Variants in DOK5 observed in about 807,000 individuals in gnomAD.
The protein encoded by DOK5 is docking protein 5.
Under a neutral mutation model 43.3 loss-of-function variants are expected in DOK5, and 27 were observed. The ratio of observed to expected loss-of-function variants is 0.62; its 90% CI spans 0.46 to 0.86. The LOEUF (loss-of-function observed/expected upper bound fraction) is 0.86. Ranked by LOEUF, DOK5 falls within the 40% of genes least tolerant of loss-of-function variation. The pLI, the probability that DOK5 is intolerant of heterozygous loss-of-function variation, is 0.00. For missense variants in DOK5, 373 were observed against 392.9 expected (o/e 0.95, Z 0.43); for synonymous variants, 146 against 140.1 (o/e 1.04, Z -0.30).
At chr20:54,511,991 C>T (rs1983031013) in intron 1 of DOK5, among the ~76,000 whole-genome samples, 1 of 152,162 alleles carries the variant, frequency 6.6e-6, no homozygotes, top group Non-Finnish European at 1.5e-5. Context: ...TCAGGCCATT[C>T]AGTTTGCTCT....
intron 7 of DOK5, among the ~76,000 whole-genome samples, chr20:54,644,699 C>G (rs1443376387): frequency 9.3e-6 from 1 of 107,384 alleles, no homozygotes. Context: ...GAGAGAGACT[C>G]CGTCTCAAAA....
At chr20:54,616,519 T>C (rs1986812213) in intron 6 of DOK5, among the ~76,000 whole-genome samples, 1 of 152,250 alleles carries the variant, frequency 6.6e-6, no homozygotes, top group South Asian at 2.1e-4. Flanking sequence ...CTCTGGGACC[T>C]TGCTACTGAT....
At chr20:54,606,853 G>A (rs1341423035) in intron 5 of DOK5, among the ~76,000 whole-genome samples, 1 of 152,138 alleles carries the variant, frequency 6.6e-6, no homozygotes, top group African/African-American at 2.4e-5. Context: ...TGAGCAATAG[G>A]AGCAAAAGTC....
At chr20:54,633,072 A>AAAAAC (rs529510578) in intron 6 of DOK5, among the ~76,000 whole-genome samples, 2 of 147,474 alleles carry the variant, frequency 1.4e-5, no homozygotes, top group Admixed American at 6.6e-5. Context: ...ACTCCATCTC[A>AAAAAC]AAAACAAAAC....
chr20:54,477,401 G>A (rs1349874786), intron 1 of DOK5, among the ~76,000 whole-genome samples: 1 of 152,096 alleles, frequency 6.6e-6, no homozygotes, highest in Non-Finnish European at 1.5e-5. Context: ...TATGTCCTGT[G>A]TTATTGTGAA....
At chr20:54,623,875 G>A (rs761159665) in intron 6 of DOK5, among the ~76,000 whole-genome samples, 55 of 152,150 alleles carry the variant, frequency 3.6e-4, no homozygotes, top group African/African-American at 1.1e-3. Context: ...CACTGCACCC[G>A]GCCAGTGATT....
intron 6 of DOK5, among the ~76,000 whole-genome samples, chr20:54,624,413 C>G (rs1474049161): frequency 6.6e-6 from 1 of 152,188 alleles, no homozygotes; most frequent in Non-Finnish European, 1.5e-5. Flanking sequence ...AAGGCAGGGA[C>G]AAGGCCCCAT....
At chr20:54,634,410 G>A (rs116276240) in intron 6 of DOK5, among the ~76,000 whole-genome samples, 4,567 of 145,832 alleles carry the variant, frequency 0.031, 145 homozygotes, top group African/African-American at 0.076. Context: ...ACCAGAAGTA[G>A]CCACTCAACT....
chr20:54,606,840 CT>C (rs149002243), intron 5 of DOK5, among the ~76,000 whole-genome samples: 100 of 152,310 alleles, frequency 6.6e-4, no homozygotes, highest in African/African-American at 2.4e-3. Flanking sequence ...GGACACATGG[CT>C]TTGAGCAATA....
At chr20:54,619,896 C>A (rs1986928550) in intron 6 of DOK5, among the ~76,000 whole-genome samples, 1 of 152,166 alleles carries the variant, frequency 6.6e-6, no homozygotes, top group Admixed American at 6.5e-5. Flanking sequence ...ACTATTCAGA[C>A]ACTAAAGTAG....
At chr20:54,560,493 C>G (rs1029614733) in intron 2 of DOK5, among the ~76,000 whole-genome samples, 1 of 152,128 alleles carries the variant, frequency 6.6e-6, no homozygotes, top group African/African-American at 2.4e-5. Flanking sequence ...GACTGTAGTA[C>G]AAAACACCCT....
At chr20:54,539,116 C>G (rs1165633078) in intron 1 of DOK5, among the ~76,000 whole-genome samples, 2 of 151,854 alleles carry the variant, frequency 1.3e-5, no homozygotes, top group Non-Finnish European at 2.9e-5. Context: ...GGGTGAAACG[C>G]TGTCTCTACT....
intron 1 of DOK5, chr20:54,476,322 A>C (rs1265689735): frequency 1.4e-6 from 1 of 739,452 alleles, no homozygotes; most frequent in African/African-American, 1.9e-5. Flanking sequence ...GGAGCTGAGA[A>C]GCCCGGGCGG....
intron 7 of DOK5, among the ~76,000 whole-genome samples, chr20:54,644,712 A>ACAAACAAAC (rs781499554): frequency 1.4e-4 from 18 of 130,702 alleles, no homozygotes; most frequent in South Asian, 2.3e-4. Flanking sequence ...TCTCAAAAAA[A>ACAAACAAAC]AAAAAAAAAA....
At position 54,475,774 on chromosome 20, in the gene DOK5, G is replaced by T; in HGVS notation, c.-173G>T. The T allele has an allele frequency of 1.3e-6, 1 of 777,232 alleles. No individual in the cohort carries two copies. Among genetic ancestry groups the T allele is most frequent in the Non-Finnish European group, 2.1e-6 (1 of 485,478 alleles). 48.1% of individuals were successfully genotyped at this position (777,232 alleles called of 1,614,324 possible). ...GCCGGCCGCCCACTGTCAGGGTTGG[G>T]GGGACAGAGAAAGTGATGTGCGCCT... On this transcript the variant is annotated 5_prime_UTR_variant, in exon 1 of 8. Transcript: ENST00000262593. This position sits in a 1 kb window ranked among gnomAD's most constrained non-coding sequence, Gnocchi z 4.2.
chr20:54,648,535 C>T (rs1979548318), intron 7 of DOK5, among the ~76,000 whole-genome samples: 1 of 152,080 alleles, frequency 6.6e-6, no homozygotes, highest in African/African-American at 2.4e-5. Context: ...TACCGAGAGC[C>T]AGGGGAAGGC....
At position 54,640,565 on chromosome 20, in the gene DOK5, A is replaced by G. The variant is rs576065781; in HGVS notation, c.736-2893A>G. On this transcript the variant is annotated intron_variant, in intron 6 of 7. Transcript: ENST00000262593. ...TAAAATGCTTCTTTCATAAAATTAG[A>G]TGTTTTTCCAAAGGGTTGAGAAAGA... 7.9e-5 allele frequency among the ~76,000 whole-genome samples: 12 copies of G among 152,302 alleles called. 1 individual carries two copies. The highest frequency in any genetic ancestry group is 1.3e-4 in the Non-Finnish European group (9 of 68,026).
intron 1 of DOK5, among the ~76,000 whole-genome samples, chr20:54,517,141 C>A (rs1055330288): frequency 6.6e-6 from 1 of 152,106 alleles, no homozygotes; most frequent in Non-Finnish European, 1.5e-5. Context: ...AACTTCCCAC[C>A]CTGTGTGCAG....
chr20:54,646,091 A>G (rs1979407037), intron 7 of DOK5, among the ~76,000 whole-genome samples: 1 of 151,960 alleles, frequency 6.6e-6, no homozygotes. Flanking sequence ...TCTCACTTAA[A>G]CTTCAAAAAT....
Sources: allele counts gnomAD v4.1 joint callset (sites outside exome capture counted in the v4.1 genomes callset), GRCh38; gene constraint gnomAD v4.1.1; non-coding constraint Gnocchi (gnomAD v3.1); transcripts MANE v1.5; gene names NCBI Gene and HGNC (gene_info 2026-07-23, HGNC 2026-07-21).